The following ABLIM1 variants were observed in gnomAD, a reference collection of about 807,000 sequenced individuals.
The protein encoded by ABLIM1 is actin binding LIM protein 1, also known as actin-binding LIM protein 1.
In ABLIM1, 40 loss-of-function variants were observed where a neutral mutation model predicts 107.0. The ratio of observed to expected loss-of-function variants is 0.37; its 90% CI spans 0.29 to 0.49. The LOEUF (loss-of-function observed/expected upper bound fraction) is 0.49. Among genes scored for constraint, ABLIM1 ranks in the 20% least tolerant of loss-of-function variants. The pLI, the probability that ABLIM1 is intolerant of heterozygous loss-of-function variation, is 0.97. For synonymous variants in ABLIM1, 357 were observed against 357.3 expected, an observed-to-expected ratio of 1.00 and a Z score of 0.01; for missense variants, 857 against 1,008.5, an observed-to-expected ratio of 0.85 and a Z score of 2.04.
At chr10:114,546,931 C>T (rs1391756457) in intron 5 of ABLIM1, among the ~76,000 whole-genome samples, 1 of 152,002 alleles carries the variant, frequency 6.6e-6, no homozygotes, top group Non-Finnish European at 1.5e-5. Flanking sequence ...CAGGCATGTG[C>T]CACCATGCCT....
chr10:114,499,438 T>C (rs879310043), intron 6 of ABLIM1, among the ~76,000 whole-genome samples: 7 of 152,216 alleles, frequency 4.6e-5, no homozygotes, highest in Non-Finnish European at 8.8e-5. Flanking sequence ...TTCCAGTCCC[T>C]AAGACTCTCC....
intron 12 of ABLIM1, among the ~76,000 whole-genome samples, chr10:114,456,924 GTTTT>G (rs60405111): frequency 9.2e-6 from 1 of 108,932 alleles, no homozygotes; most frequent in Non-Finnish European, 1.9e-5. Flanking sequence ...CTCTCTAGTT[GTTTT>G]TTTTTTAAAA....
chr10:114,764,189 C>G (rs180672102), intron 1 of ABLIM1, among the ~76,000 whole-genome samples: 2 of 152,192 alleles, frequency 1.3e-5, no homozygotes, highest in South Asian at 2.1e-4. Flanking sequence ...AATACAACAC[C>G]AAGTTACAAG....
chr10:114,524,420 A>C (rs1036829583), intron 6 of ABLIM1, among the ~76,000 whole-genome samples: 1 of 152,228 alleles, frequency 6.6e-6, no homozygotes, highest in Non-Finnish European at 1.5e-5. Flanking sequence ...TTGCACTCAC[A>C]AAACAAGGCC....
chr10:114,501,859 T>C (rs1170794442), intron 6 of ABLIM1: 5 of 152,210 alleles, frequency 3.3e-5, no homozygotes, highest in Non-Finnish European at 7.3e-5. Context: ...AAGTCCATAG[T>C]TGACACTGGT....
intron 1 of ABLIM1, among the ~76,000 whole-genome samples, chr10:114,650,937 C>T (rs74158032): frequency 0.079 from 11,987 of 152,188 alleles, 555 homozygotes; most frequent in African/African-American, 0.12. Context: ...AATACCGCTG[C>T]AATGTGGGTA....
intron 8 of ABLIM1, among the ~76,000 whole-genome samples, chr10:114,479,230 C>T (rs947826494): frequency 7.2e-5 from 11 of 152,146 alleles, no homozygotes; most frequent in African/African-American, 2.7e-4. Context: ...GGCAAGTAGT[C>T]AACATTTTCT....
chr10:114,441,938 T>C, intron 17 of ABLIM1, 152 bp from the exon 18 acceptor site: 1 of 689,750 alleles, frequency 1.4e-6, no homozygotes, highest in Non-Finnish European at 2.5e-6. Flanking sequence ...TGCCATCATA[T>C]TTGCAAGGAG....
intron 1 of ABLIM1, among the ~76,000 whole-genome samples, chr10:114,766,808 T>TAC (rs2142739881): frequency 6.6e-6 from 1 of 152,384 alleles, no homozygotes; most frequent in East Asian, 1.9e-4. Flanking sequence ...TCCATCCATA[T>TAC]ACACACCAAG....
intron 1 of ABLIM1, among the ~76,000 whole-genome samples, chr10:114,759,724 T>G (rs2082703554): frequency 6.6e-6 from 1 of 152,120 alleles, no homozygotes; most frequent in South Asian, 2.1e-4. Context: ...TATTCAGCTA[T>G]TGATCAAAAG....
At chr10:114,599,763 G>T (rs964922666) in intron 2 of ABLIM1, among the ~76,000 whole-genome samples, 1 of 151,286 alleles carries the variant, frequency 6.6e-6, no homozygotes, top group Non-Finnish European at 1.5e-5. Context: ...CTCCAGCCTG[G>T]CAACAGAGTG....
chr10:114,716,197 G>A (rs1348119737), intron 1 of ABLIM1, among the ~76,000 whole-genome samples: 1 of 152,150 alleles, frequency 6.6e-6, no homozygotes, highest in African/African-American at 2.4e-5. Flanking sequence ...CTCCAGGCCA[G>A]GGAAGTAACT....
At chr10:114,717,948 G>C (rs2081713185) in intron 1 of ABLIM1, among the ~76,000 whole-genome samples, 2 of 139,468 alleles carry the variant, frequency 1.4e-5, no homozygotes, top group South Asian at 5.0e-4. Flanking sequence ...GGAGGGGAGG[G>C]GAGGGGGAAA....
chr10:114,759,582 A>G (rs2082701216), intron 1 of ABLIM1, among the ~76,000 whole-genome samples: 1 of 152,214 alleles, frequency 6.6e-6, no homozygotes, highest in Non-Finnish European at 1.5e-5. Flanking sequence ...ATTATACCTC[A>G]GCACACCAAC....
intron 2 of ABLIM1, among the ~76,000 whole-genome samples, chr10:114,576,597 C>T (rs113188794): frequency 2.6e-5 from 4 of 152,178 alleles, no homozygotes; most frequent in African/African-American, 9.7e-5. Flanking sequence ...GGTTCATCTG[C>T]TGAGTTCCCA....
chr10:114,748,016 G>T (rs2082421739), intron 1 of ABLIM1, among the ~76,000 whole-genome samples: 1 of 152,130 alleles, frequency 6.6e-6, no homozygotes, highest in Non-Finnish European at 1.5e-5. Flanking sequence ...CTCCAGCCTG[G>T]GTGATAGAGC....
chr10:114,437,902 A>G lies in ABLIM1; in HGVS notation c.2165T>C (p.Met722Thr). 3.7e-6 allele frequency: 6 copies of G among 1,614,092 alleles called. No individual in the cohort carries two copies. The highest frequency in any genetic ancestry group is 5.1e-6 in the Non-Finnish European group (6 of 1,179,984). Residue 722 changes from methionine (M) to threonine (T), a missense_variant, in exon 22 of 23, where the codon ATG (methionine) becomes ACG (threonine). Coordinates refer to ENST00000533213, the MANE Select transcript of ABLIM1 (RefSeq NM_002313.7). ...EPKIFPYEML[M>T]VTNRGRNKIL... The stretch of plus-strand genomic sequence containing the variant: ...TTTGTTTCGCCCTCTGTTGGTCACC[A>G]TGAGCATTTCATATGGAAATATCTG...
the ABLIM1 span, among the ~76,000 whole-genome samples, chr10:114,785,032 A>C: frequency 6.6e-6 from 1 of 152,248 alleles, no homozygotes; most frequent in Non-Finnish European, 1.5e-5. Context: ...AGAATAGAGC[A>C]AAGTATAAGG....
intron 1 of ABLIM1, among the ~76,000 whole-genome samples, chr10:114,628,941 A>G (rs1309137049): frequency 2.0e-5 from 3 of 152,172 alleles, no homozygotes; most frequent in Admixed American, 1.3e-4. Flanking sequence ...GAAGGCAGTT[A>G]TTGACAGATT....
Sources: gnomAD v4.1 joint callset for allele counts (sites outside exome capture counted in the v4.1 genomes callset) on GRCh38, gnomAD v4.1.1 for gene constraint, MANE v1.5 for transcripts, NCBI Gene and HGNC (gene_info 2026-07-23, HGNC 2026-07-21) for gene names.